The following PLXNA2 variants were observed in gnomAD, a reference collection of about 807,000 sequenced individuals.
PLXNA2 encodes plexin A2.
In PLXNA2, 91 loss-of-function variants were observed where a neutral mutation model predicts 193.5. That is an observed-to-expected ratio of 0.47 (90% CI 0.40 to 0.56). PLXNA2 has a LOEUF of 0.56. Among genes scored for constraint, PLXNA2 ranks in the 20% least tolerant of loss-of-function variants. PLXNA2 has a pLI of 0.00. For missense variants in PLXNA2, 1,995 were observed against 2,503.2 expected, an observed-to-expected ratio of 0.80 and a Z score of 4.33; for synonymous variants, 997 against 1,027.3, an observed-to-expected ratio of 0.97 and a Z score of 0.56.
intron 4 of PLXNA2, among the ~76,000 whole-genome samples, chr1:208,133,789 T>C (rs1430835278): frequency 6.6e-6 from 1 of 152,248 alleles, no homozygotes. Flanking sequence ...TAGACCAGGT[T>C]ACTCAGGATT....
At chr1:208,117,450 G>C (rs1667672385) in intron 4 of PLXNA2, among the ~76,000 whole-genome samples, 1 of 152,228 alleles carries the variant, frequency 6.6e-6, no homozygotes, top group South Asian at 2.1e-4. Context: ...CCTTAGGAGG[G>C]AGGGCTGGCC....
At chr1:208,233,747 A>G in intron 1 of PLXNA2, among the ~76,000 whole-genome samples, 1 of 152,188 alleles carries the variant, frequency 6.6e-6, no homozygotes. Flanking sequence ...TCAAGCTGTG[A>G]ATGCTGAGTC....
intron 5 of PLXNA2, among the ~76,000 whole-genome samples, chr1:208,099,983 G>C (rs1483284724): frequency 1.3e-5 from 2 of 152,046 alleles, no homozygotes; most frequent in East Asian, 1.9e-4. Flanking sequence ...GGGCCAAAGA[G>C]CCTGGGTTCC....
At chr1:208,227,234 A>G (rs879459402) in intron 1 of PLXNA2, among the ~76,000 whole-genome samples, 4 of 152,074 alleles carry the variant, frequency 2.6e-5, no homozygotes, top group Non-Finnish European at 4.4e-5. Flanking sequence ...TATTTTCTGG[A>G]AAAAAAACTA....
intron 9 of PLXNA2, among the ~76,000 whole-genome samples, chr1:208,090,871 T>C (rs918533832): frequency 3.3e-5 from 5 of 152,246 alleles, no homozygotes; most frequent in Admixed American, 2.0e-4. Context: ...AGGCCTCCCA[T>C]GGTGGCTCTG....
At chr1:208,229,717 T>C (rs1385182339) in intron 1 of PLXNA2, among the ~76,000 whole-genome samples, 1 of 152,212 alleles carries the variant, frequency 6.6e-6, no homozygotes, top group Non-Finnish European at 1.5e-5. Flanking sequence ...TCTAGACTTG[T>C]GCAGGAAAAG....
intron 13 of PLXNA2, among the ~76,000 whole-genome samples, chr1:208,056,428 A>G (rs926405437): frequency 6.6e-6 from 1 of 152,186 alleles, no homozygotes; most frequent in African/African-American, 2.4e-5. Flanking sequence ...AAAAAGAAAA[A>G]AGAGAACATG....
intron 5 of PLXNA2, among the ~76,000 whole-genome samples, chr1:208,101,531 G>A (rs2102415836): frequency 6.6e-6 from 1 of 152,350 alleles, no homozygotes; most frequent in South Asian, 2.1e-4. Flanking sequence ...AAGAGTTAAG[G>A]AGTTAAGGGG....
At chr1:208,116,325 T>C (rs553792886) in intron 4 of PLXNA2, among the ~76,000 whole-genome samples, 159 of 152,380 alleles carry the variant, frequency 1.0e-3, no homozygotes, top group Admixed American at 2.1e-3. Flanking sequence ...GCTCTTCTTT[T>C]TATTTCTTCT....
intron 15 of PLXNA2, 76 bp from the exon 16 acceptor site, chr1:208,051,499 T>C: frequency 7.9e-7 from 1 of 1,266,902 alleles, no homozygotes; most frequent in Non-Finnish European, 1.1e-6. Flanking sequence ...GACAAGGGGC[T>C]TTCCTTGGTC....
intron 1 of PLXNA2, among the ~76,000 whole-genome samples, chr1:208,228,097 C>T (rs983522654): frequency 1.3e-5 from 2 of 152,184 alleles, no homozygotes; most frequent in African/African-American, 4.8e-5. Context: ...TCCTTTGAAG[C>T]TGTCCACATC....
chr1:208,128,764 C>G (rs1215825637), intron 4 of PLXNA2, among the ~76,000 whole-genome samples: 1 of 136,984 alleles, frequency 7.3e-6, no homozygotes, highest in Non-Finnish European at 1.5e-5. Context: ...TGCAGTGGAG[C>G]GATCTCGGCT....
intron 3 of PLXNA2, among the ~76,000 whole-genome samples, chr1:208,192,220 C>A (rs553452580): frequency 1.4e-4 from 22 of 152,320 alleles, no homozygotes; most frequent in Admixed American, 5.2e-4. Context: ...TCTGGGCCCA[C>A]TGGCTCCTCT....
Position 208,244,080 on chromosome 1 carries a change from C to CGTT in PLXNA2, c.-521_-519dup, listed in dbSNP as rs1672153130. 6.5e-6 allele frequency: 1 copy of CGTT among 152,780 alleles called. No homozygotes were observed. Among genetic ancestry groups the CGTT allele is most frequent in the Non-Finnish European group, 1.5e-5 (1 of 68,500 alleles). The allele number at this position is 152,780 out of a possible 1,614,324, so 9.5% of individuals were successfully genotyped here. A position where few individuals can be genotyped will look rare whatever the true frequency, so the allele number is the denominator to read the frequency against. On this transcript the variant is annotated 5_prime_UTR_variant, in exon 1 of 32. Coordinates refer to ENST00000367033, the MANE Select transcript of PLXNA2 (RefSeq NM_025179.4). The stretch of plus-strand genomic sequence containing the variant: ...TTCCTTCCCTTCTTGCTCTCCGGTT[C>CGTT]GTTCACAGTCCCATTTCCTCCGGGA...
chr1:208,176,516 T>C (rs1481525587), intron 3 of PLXNA2, among the ~76,000 whole-genome samples: 2 of 152,092 alleles, frequency 1.3e-5, no homozygotes, highest in Admixed American at 1.3e-4. Flanking sequence ...TGGAGAAGAA[T>C]GGAAAATATC....
intron 3 of PLXNA2, among the ~76,000 whole-genome samples, chr1:208,206,640 T>C (rs563106306): frequency 3.9e-5 from 6 of 152,236 alleles, no homozygotes; most frequent in African/African-American, 7.2e-5. Flanking sequence ...CAGTAAAGCT[T>C]TGCAGATTGA....
chr1:208,148,772 A>C (rs1169138872), intron 3 of PLXNA2, among the ~76,000 whole-genome samples: 12 of 152,168 alleles, frequency 7.9e-5, no homozygotes, highest in African/African-American at 2.7e-4. Context: ...GGAGACCAGC[A>C]CGGGGGGCGG....
chr1:208,105,164 G>A (rs999110452), intron 4 of PLXNA2, among the ~76,000 whole-genome samples: 4 of 152,184 alleles, frequency 2.6e-5, no homozygotes, highest in African/African-American at 9.7e-5. Flanking sequence ...CTGGAGGGTG[G>A]CCAGGATGGG....
intron 4 of PLXNA2, among the ~76,000 whole-genome samples, chr1:208,137,188 G>C (rs527695204): frequency 3.2e-4 from 48 of 152,266 alleles, no homozygotes; most frequent in South Asian, 8.3e-4. Context: ...CCTTTCTGCT[G>C]TTCCCAAGGC....
Sources: gnomAD v4.1 joint callset for allele counts (sites outside exome capture counted in the v4.1 genomes callset) on GRCh38, gnomAD v4.1.1 for gene constraint, MANE v1.5 for transcripts, NCBI Gene and HGNC (gene_info 2026-07-23, HGNC 2026-07-21) for gene names.